Variants in DOCK1 observed in about 807,000 individuals in gnomAD.
The protein encoded by DOCK1 is dedicator of cytokinesis 1, also known as dedicator of cytokinesis protein 1.
DOCK1 carries 138 observed loss-of-function variants against 262.7 expected under a neutral mutation model. The observed-to-expected ratio is 0.53, with a 90% CI of 0.46 to 0.61. The LOEUF is 0.61. Ranked by LOEUF, DOCK1 falls within the 20% of genes least tolerant of loss-of-function variation. The probability of loss-of-function intolerance (pLI) is 0.00; values close to 1 mark genes in which losing one functional copy is unlikely to be tolerated. For synonymous variants in DOCK1, 866 were observed against 867.4 expected, an observed-to-expected ratio of 1.00 and a Z score of 0.03; for missense variants, 1,908 against 2,370.7, an observed-to-expected ratio of 0.80 and a Z score of 4.05.
chr10:127,156,169 T>C (rs1044326423), intron 27 of DOCK1, among the ~76,000 whole-genome samples: 1 of 152,192 alleles, frequency 6.6e-6, no homozygotes, highest in Non-Finnish European at 1.5e-5. Flanking sequence ...CTCATCAACA[T>C]CAACACTCCT....
intron 27 of DOCK1, among the ~76,000 whole-genome samples, chr10:127,196,654 C>T (rs1196178407): frequency 9.9e-6 from 1 of 101,294 alleles, no homozygotes; most frequent in East Asian, 3.0e-4. Flanking sequence ...GGGCCGCGTG[C>T]GTGGGGTGGG....
At chr10:127,088,786 G>A (rs1348651635) in intron 23 of DOCK1, among the ~76,000 whole-genome samples, 1 of 152,140 alleles carries the variant, frequency 6.6e-6, no homozygotes, top group African/African-American at 2.4e-5. Flanking sequence ...GCCAGTTGGT[G>A]TATGACTGCG....
intron 29 of DOCK1, among the ~76,000 whole-genome samples, chr10:127,328,309 T>C (rs540991101): frequency 1.3e-5 from 2 of 152,312 alleles, no homozygotes; most frequent in African/African-American, 4.8e-5. Flanking sequence ...TTCTCTTTTG[T>C]AAGGATCCTA....
At chr10:127,077,579 G>A (rs1299855243) in intron 23 of DOCK1, among the ~76,000 whole-genome samples, 4 of 152,038 alleles carry the variant, frequency 2.6e-5, no homozygotes, top group South Asian at 2.1e-4. Flanking sequence ...GGGATTACTC[G>A]ACTTTATAGC....
intron 19 of DOCK1, among the ~76,000 whole-genome samples, chr10:127,040,938 C>A (rs1210633874): frequency 1.3e-5 from 2 of 152,062 alleles, no homozygotes; most frequent in African/African-American, 4.8e-5. Flanking sequence ...CTTCCTGTAA[C>A]CACTAATCTG....
At chr10:126,954,521 C>T (rs2036576740) in intron 1 of DOCK1, among the ~76,000 whole-genome samples, 1 of 152,228 alleles carries the variant, frequency 6.6e-6, no homozygotes, top group African/African-American at 2.4e-5. Context: ...CCATCACCAC[C>T]ATCCATTGCC....
At chr10:127,315,761 A>C (rs1185818380) in intron 29 of DOCK1, among the ~76,000 whole-genome samples, 1 of 152,112 alleles carries the variant, frequency 6.6e-6, no homozygotes, top group Admixed American at 6.5e-5. Context: ...GCAGTGGCGC[A>C]ATCTCGGCTC....
In DOCK1 at chr10:127,391,215, T is replaced by C. The variant is rs111577394; in HGVS notation, c.3927+6306T>C. ...AAGCATGATCACAAGCACCAAGATA[T>C]GATGTTTTTTTCCTGTGACTCAATT... On this transcript the variant is annotated intron_variant, in intron 38 of 51. Coordinates refer to ENST00000623213, the MANE Select transcript of DOCK1 (RefSeq NM_001290223.2). Among the ~76,000 whole-genome samples, 886 of 152,264 alleles carry C rather than the reference T, an allele frequency of 5.8e-3. 11 individuals are homozygous for C. Among genetic ancestry groups the C allele is most frequent in the African/African-American group, 0.02 (847 of 41,534 alleles).
At chr10:127,036,309 T>C (rs1469382743) in intron 18 of DOCK1, among the ~76,000 whole-genome samples, 1 of 152,210 alleles carries the variant, frequency 6.6e-6, no homozygotes, top group Non-Finnish European at 1.5e-5. Flanking sequence ...GCTCCTTTTT[T>C]GTCTCCCTAT....
At chr10:127,002,544 C>A (rs1422692638) in intron 10 of DOCK1, among the ~76,000 whole-genome samples, 1 of 152,164 alleles carries the variant, frequency 6.6e-6, no homozygotes, top group Non-Finnish European at 1.5e-5. Flanking sequence ...CTTACATGCT[C>A]ACTTATGCTT....
chr10:126,934,754 T>TA (rs1298891290), intron 1 of DOCK1, among the ~76,000 whole-genome samples: 2 of 103,484 alleles, frequency 1.9e-5, no homozygotes, highest in Admixed American at 1.1e-4. Flanking sequence ...CGAGTTTTTT[T>TA]TTTTTTTTTT....
intron 29 of DOCK1, among the ~76,000 whole-genome samples, chr10:127,326,846 G>A (rs1376246884): frequency 6.6e-6 from 1 of 152,208 alleles, no homozygotes; most frequent in Non-Finnish European, 1.5e-5. Context: ...ATGGACTGTG[G>A]AATGGATGTT....
chr10:127,250,791 CAAAAAAAAAAAA>C (rs1180814401), intron 28 of DOCK1, among the ~76,000 whole-genome samples: 83 of 64,060 alleles, frequency 1.3e-3, no homozygotes, highest in African/African-American at 3.0e-3. Flanking sequence ...GACTCCGTCT[CAAAAAAAAAAAA>C]AAAAAAAAAA....
At chr10:127,255,128 A>G (rs2059786136) in intron 28 of DOCK1, among the ~76,000 whole-genome samples, 1 of 152,208 alleles carries the variant, frequency 6.6e-6, no homozygotes, top group Admixed American at 6.5e-5. Context: ...AGCCGGGCAC[A>G]GTGGCTTACA....
intron 27 of DOCK1, among the ~76,000 whole-genome samples, chr10:127,162,584 A>G (rs570053208): frequency 6.6e-6 from 1 of 152,264 alleles, no homozygotes; most frequent in East Asian, 1.9e-4. Context: ...CACACATCCC[A>G]TTCCCCTAAA....
intron 2 of DOCK1, among the ~76,000 whole-genome samples, chr10:126,975,619 CTTTCT>C (rs1322365130): frequency 6.0e-5 from 9 of 151,090 alleles, no homozygotes; most frequent in African/African-American, 1.9e-4. Flanking sequence ...TGCTCATTTT[CTTTCT>C]TTTCTTTTTT....
In DOCK1 at chr10:127,419,737, G is replaced by C. The variant is rs1221038634; in HGVS notation, c.4764G>C (p.Leu1588=). ...AAAAGATCGAGAAGCTCAAGGACCTGATTGCTTGGCAGGTAAAGTGTCCAG... is the reference window on the plus strand; with the variant it reads ...AAAAGATCGAGAAGCTCAAGGACCTCATTGCTTGGCAGGTAAAGTGTCCAG... The part of the protein sequence containing the change: ...AHEKIEKLKD[L]IAWQIPFLAE... The change falls in exon 46 of 52, where the codon CTG becomes CTC. Residue 1588 remains leucine, a synonymous_variant. Transcript: ENST00000623213. The C allele has an allele frequency of 2.5e-6, 4 of 1,597,926 alleles. No homozygotes were observed. The highest frequency in any genetic ancestry group is 3.4e-6 in the Non-Finnish European group (4 of 1,171,876).
rs989985698 is a variant in DOCK1, at chr10:126,928,303, C to T, written c.46+22740C>T. On this transcript the variant is annotated intron_variant, in intron 1 of 51. Coordinates refer to ENST00000623213, the MANE Select transcript of DOCK1 (RefSeq NM_001290223.2). The stretch of plus-strand genomic sequence containing the variant: ...GTTCAGCCTGATGAGCTGCTGAGAG[C>T]CGTGTCCACGGCTGGTGTCCATGCG... 1.4e-4 allele frequency among the ~76,000 whole-genome samples: 22 copies of T among 152,342 alleles called. No individual in the cohort carries two copies. The East Asian group carries it at 4.1e-3, about 28-fold the overall frequency.
Position 127,026,435 on chromosome 10 carries a change from A to AAGCAC in DOCK1, c.1624+12_1624+16dup. On this transcript the variant is annotated intron_variant, in intron 16 of 51. Coordinates refer to ENST00000623213, the MANE Select transcript of DOCK1 (RefSeq NM_001290223.2). ...GGTCATCACAGGACTGTGAGTAGTC[A>AAGCAC]AGCACTTTCTTCCCCCAAGTATTTT... 1 of 1,570,168 alleles carries AAGCAC rather than the reference A, an allele frequency of 6.4e-7. No individual in the cohort carries two copies. The highest frequency in any genetic ancestry group is 8.6e-7 in the Non-Finnish European group (1 of 1,156,226).
Sources: allele counts gnomAD v4.1 joint callset (sites outside exome capture counted in the v4.1 genomes callset), GRCh38; gene constraint gnomAD v4.1.1; transcripts MANE v1.5; gene names NCBI Gene and HGNC (gene_info 2026-07-23, HGNC 2026-07-21).